The following ENOX1 variants were observed in gnomAD, a reference collection of about 807,000 sequenced individuals.
The protein encoded by ENOX1 is candidate growth-related and time keeping constitutive hydroquinone (NADH) oxidase.
Under a neutral mutation model 82.5 loss-of-function variants are expected in ENOX1, and 42 were observed. That is an observed-to-expected ratio of 0.51 (90% CI 0.40 to 0.66). The LOEUF is 0.66. Among genes scored for constraint, ENOX1 ranks in the 30% least tolerant of loss-of-function variants. ENOX1 has a pLI of 0.00. For synonymous variants in ENOX1, 271 were observed against 282.2 expected, an observed-to-expected ratio of 0.96 and a Z score of 0.40; for missense variants, 608 against 811.6, an observed-to-expected ratio of 0.75 and a Z score of 3.05.
At chr13:43,763,947 C>G (rs568885968) in intron 1 of ENOX1, among the ~76,000 whole-genome samples, 1 of 152,100 alleles carries the variant, frequency 6.6e-6, no homozygotes, top group African/African-American at 2.4e-5. Context: ...GAATTTGTAT[C>G]CTAGACCTAT....
chr13:43,714,504 G>A (rs1240444471), intron 1 of ENOX1, among the ~76,000 whole-genome samples: 2 of 152,150 alleles, frequency 1.3e-5, no homozygotes, highest in Non-Finnish European at 2.9e-5. Context: ...GTCTAATGTT[G>A]ACAGTGGGGT....
At chr13:43,630,293 T>C (rs2083146791) in intron 2 of ENOX1, among the ~76,000 whole-genome samples, 1 of 152,196 alleles carries the variant, frequency 6.6e-6, no homozygotes, top group Admixed American at 6.6e-5. Context: ...GTATCCACTT[T>C]CGCTGTTTAG....
Position 43,298,389 on chromosome 13 carries a change from T to G in ENOX1, c.1403A>C (p.Gln468Pro), listed in dbSNP as rs1402351607. Residue 468 changes from glutamine (Q) to proline (P), a missense_variant, in exon 12 of 17, where the codon CAG becomes CCG. Gln to Pro is a moderately conservative substitution (Grantham distance 76). Coordinates refer to ENST00000690772, the MANE Select transcript of ENOX1 (RefSeq NM_001347969.2). ...FRTEENLTKD[Q>P]QLQFLQQTMQ... ...GGTTTGCTGCAGAAACTGCAGTTGC[T>G]GGTCCTTGGTGAGGTTTTCTTCTGT... is the stretch of plus-strand genomic sequence containing the variant. 1.9e-6 allele frequency: 3 copies of G among 1,614,012 alleles called. No homozygotes were observed. Among genetic ancestry groups the G allele is most frequent in the Non-Finnish European group, 2.5e-6 (3 of 1,179,996 alleles).
chr13:43,406,788 C>T (rs973601330), intron 5 of ENOX1, among the ~76,000 whole-genome samples: 14 of 152,048 alleles, frequency 9.2e-5, no homozygotes, highest in African/African-American at 4.8e-5. Context: ...CCACCGCGCC[C>T]GGCCAAGTAT....
intron 9 of ENOX1, among the ~76,000 whole-genome samples, chr13:43,342,450 A>T (rs933367371): frequency 5.3e-5 from 8 of 152,174 alleles, no homozygotes; most frequent in Non-Finnish European, 1.2e-4. Flanking sequence ...AGGTTTGAAG[A>T]TTAAAAGCAA....
chr13:43,776,822 G>A (rs9525842), intron 1 of ENOX1, among the ~76,000 whole-genome samples: 12,436 of 140,822 alleles, frequency 0.088, 1,613 homozygotes, highest in African/African-American at 0.28. Flanking sequence ...CCACAGCTAG[G>A]GAAAAAAAAA....
chr13:43,448,081 A>T (rs1301268738), intron 3 of ENOX1, among the ~76,000 whole-genome samples: 1 of 152,236 alleles, frequency 6.6e-6, no homozygotes, highest in African/African-American at 2.4e-5. Flanking sequence ...TGGAAACATT[A>T]TTGAACAGAA....
chr13:43,319,109 C>T (rs1020486717), intron 11 of ENOX1, among the ~76,000 whole-genome samples: 1 of 152,068 alleles, frequency 6.6e-6, no homozygotes, highest in Non-Finnish European at 1.5e-5. Context: ...CAGTAGGAGG[C>T]AGACTAAACA....
At chr13:43,592,184 A>C (rs1348589981) in intron 2 of ENOX1, among the ~76,000 whole-genome samples, 1 of 152,244 alleles carries the variant, frequency 6.6e-6, no homozygotes, top group Non-Finnish European at 1.5e-5. Flanking sequence ...ATGTGAAAGG[A>C]GTCCAACAAT....
At chr13:43,725,984 T>C (rs2088923888) in intron 1 of ENOX1, among the ~76,000 whole-genome samples, 1 of 151,740 alleles carries the variant, frequency 6.6e-6, no homozygotes, top group African/African-American at 2.4e-5. Context: ...AAAAAGGTTC[T>C]GATTATCTTA....
chr13:43,694,972 G>A (rs542822799), intron 1 of ENOX1, among the ~76,000 whole-genome samples: 28 of 152,314 alleles, frequency 1.8e-4, no homozygotes, highest in African/African-American at 6.5e-4. Context: ...TCAAAGGCAA[G>A]GCCAGCAACC....
At chr13:43,716,356 G>A (rs148543656) in intron 1 of ENOX1, among the ~76,000 whole-genome samples, 3,200 of 152,196 alleles carry the variant, frequency 0.021, 127 homozygotes, top group African/African-American at 0.074. Flanking sequence ...TATCAGCAGC[G>A]GTGGCTGCAG....
chr13:43,588,953 A>G (rs1374458079), intron 2 of ENOX1, among the ~76,000 whole-genome samples: 1 of 152,174 alleles, frequency 6.6e-6, no homozygotes, highest in Non-Finnish European at 1.5e-5. Context: ...TTTTAATGGC[A>G]AAGAGCACTG....
At chr13:43,699,173 C>G (rs1424678783) in intron 1 of ENOX1, among the ~76,000 whole-genome samples, 2 of 152,178 alleles carry the variant, frequency 1.3e-5, no homozygotes, top group African/African-American at 4.8e-5. Context: ...TGGAAAAGTG[C>G]AGTGGCCCCT....
chr13:43,483,481 C>T (rs1279117559), intron 3 of ENOX1, among the ~76,000 whole-genome samples: 2 of 152,020 alleles, frequency 1.3e-5, no homozygotes, highest in Non-Finnish European at 2.9e-5. Flanking sequence ...CACACAAAAC[C>T]CCAAACAAGC....
chr13:43,671,097 T>C (rs1441747014), intron 1 of ENOX1, among the ~76,000 whole-genome samples: 1 of 152,162 alleles, frequency 6.6e-6, no homozygotes, highest in East Asian at 1.9e-4. Context: ...TCATGAGATC[T>C]GATGGTTTTA....
chr13:43,556,580 G>T (rs1460569663), intron 2 of ENOX1, among the ~76,000 whole-genome samples: 3 of 152,124 alleles, frequency 2.0e-5, no homozygotes, highest in African/African-American at 4.8e-5. Flanking sequence ...AGCAACAAAA[G>T]AAAGCAGGGC....
Position 43,344,682 on chromosome 13 carries a change from G to C in ENOX1, c.892C>G (p.Arg298Gly). The C allele has an allele frequency of 6.2e-7, 1 of 1,614,116 alleles. No homozygotes were observed. The highest frequency in any genetic ancestry group is 8.5e-7 in the Non-Finnish European group (1 of 1,180,032). The change falls in exon 9 of 17, where the codon CGC (arginine) becomes GGC (glycine). Residue 298 changes from arginine to glycine, a missense_variant. By Grantham distance (125) the Arg-to-Gly change is moderately radical. Coordinates refer to ENST00000690772, the MANE Select transcript of ENOX1 (RefSeq NM_001347969.2). ...ATGGAATAGAACTGGTTTGCAGAGC[G>C]CCGATTCACTTCCCCTCGTTCAATC... ...SWIERGEVNR[R>G]SANQFYSMVQ... is the part of the protein sequence containing the mutation.
intron 2 of ENOX1, among the ~76,000 whole-genome samples, chr13:43,590,836 G>A (rs2081217296): frequency 6.7e-6 from 1 of 148,912 alleles, no homozygotes; most frequent in African/African-American, 2.5e-5. Context: ...ACCCAACAGA[G>A]AAATGCGCAA....
Sources: allele counts gnomAD v4.1 joint callset (sites outside exome capture counted in the v4.1 genomes callset), GRCh38; gene constraint gnomAD v4.1.1; transcripts MANE v1.5; gene names NCBI Gene and HGNC (gene_info 2026-07-23, HGNC 2026-07-21).